NFIB: variants seen among roughly 807,000 people sequenced by gnomAD.
NFIB encodes nuclear factor I B, also known as nuclear factor 1 B-type.
In NFIB, 11 loss-of-function variants were observed where a neutral mutation model predicts 61.5. The observed-to-expected ratio is 0.18, with a 90% confidence interval of 0.11 to 0.30. NFIB has a LOEUF of 0.30. NFIB is among the 10% of genes least tolerant of loss of function. The pLI, the probability that NFIB is intolerant of heterozygous loss-of-function variation, is 1.00. For synonymous variants in NFIB, 260 were observed against 216.5 expected (o/e 1.20, Z -1.76); for missense variants, 471 against 608.9 (o/e 0.77, Z 2.38).
intron 2 of NFIB, among the ~76,000 whole-genome samples, chr9:14,287,955 C>T (rs1005411437): frequency 1.9e-4 from 29 of 152,056 alleles, no homozygotes; most frequent in African/African-American, 7.0e-4. Flanking sequence ...ATTTTTTCTT[C>T]TGCTGAGTTC....
At chr9:14,426,718 T>C in the NFIB span, among the ~76,000 whole-genome samples, 64 of 152,292 alleles carry the variant, frequency 4.2e-4, no homozygotes, top group African/African-American at 1.4e-3. Context: ...CAGGAGGACA[T>C]TCAGAAATAA....
the NFIB span, among the ~76,000 whole-genome samples, chr9:14,481,944 C>T: frequency 6.6e-6 from 1 of 152,028 alleles, no homozygotes; most frequent in Non-Finnish European, 1.5e-5. Flanking sequence ...ACCTTTGGTC[C>T]TCTCCCAGTT....
chr9:14,107,208 A>C (rs982577490), intron 10 of NFIB, among the ~76,000 whole-genome samples: 22 of 152,046 alleles, frequency 1.4e-4, no homozygotes, highest in African/African-American at 5.1e-4. Flanking sequence ...CATGGAGCAA[A>C]TTAAATGGTC....
chr9:14,323,842 G>A (rs767998710), intron 1 of NFIB, among the ~76,000 whole-genome samples: 1 of 151,972 alleles, frequency 6.6e-6, no homozygotes, highest in Non-Finnish European at 1.5e-5. Context: ...TTTTCCCCTT[G>A]TATACACATC....
At chr9:14,343,431 C>T (rs954028317) in intron 1 of NFIB, among the ~76,000 whole-genome samples, 6 of 151,998 alleles carry the variant, frequency 3.9e-5, no homozygotes, top group African/African-American at 9.7e-5. Flanking sequence ...AGAGACGTGG[C>T]CAGGTTTTCC....
At chr9:14,238,151 C>A (rs1378163583) in intron 2 of NFIB, among the ~76,000 whole-genome samples, 1 of 151,898 alleles carries the variant, frequency 6.6e-6, no homozygotes, top group African/African-American at 2.4e-5. Flanking sequence ...AGGGAGCAAG[C>A]CCTACCTACG....
At chr9:14,348,007 C>A (rs564948488) in intron 1 of NFIB, among the ~76,000 whole-genome samples, 48 of 152,274 alleles carry the variant, frequency 3.2e-4, no homozygotes, top group Non-Finnish European at 6.0e-4. Flanking sequence ...TGCTAGCGAT[C>A]CGACAGAGCA....
chr9:14,219,381 TAAAAAAAAAA>T (rs751279935), intron 2 of NFIB, among the ~76,000 whole-genome samples: 3 of 73,504 alleles, frequency 4.1e-5, no homozygotes, highest in Admixed American at 1.8e-4. Flanking sequence ...AGCACTAGGG[TAAAAAAAAAA>T]AAAAAAAAAA....
chr9:14,228,852 A>G (rs1267704124), intron 2 of NFIB, among the ~76,000 whole-genome samples: 1 of 152,172 alleles, frequency 6.6e-6, no homozygotes, highest in Non-Finnish European at 1.5e-5. Context: ...ATTTAATGCC[A>G]TGTTCCAGGT....
the NFIB span, among the ~76,000 whole-genome samples, chr9:14,523,189 G>A: frequency 6.6e-6 from 1 of 151,968 alleles, no homozygotes; most frequent in Non-Finnish European, 1.5e-5. Flanking sequence ...TGACTTTTCG[G>A]GCTCTGGAGA....
chr9:14,448,863 G>A, the NFIB span, among the ~76,000 whole-genome samples: 3 of 152,144 alleles, frequency 2.0e-5, no homozygotes, highest in Non-Finnish European at 4.4e-5. Context: ...CTCCAGCAAT[G>A]TCTGCTACAC....
Position 14,313,627 on chromosome 9 carries a change from G to A in NFIB, c.-116C>T, listed in dbSNP as rs940883987. 1.3e-6 allele frequency: 2 copies of A among 1,584,168 alleles called. No individual in the cohort carries two copies. The highest frequency in any genetic ancestry group is 1.7e-6 in the Non-Finnish European group (2 of 1,165,656). Reference sequence around the variant, plus strand: ...CCCCGCGATGCGATCAATCAGGACGGGGCTCTGCGCTGGATCACCGCAACT... The same window carrying A: ...CCCCGCGATGCGATCAATCAGGACGAGGCTCTGCGCTGGATCACCGCAACT... On this transcript the variant is annotated 5_prime_UTR_variant, in exon 1 of 11. Transcript: ENST00000380953. The surrounding 1 kb of genome is among the most constrained non-coding windows in gnomAD (Gnocchi z 4.5).
chr9:14,151,760 T>G (rs1387986141), intron 4 of NFIB, among the ~76,000 whole-genome samples: 1 of 152,042 alleles, frequency 6.6e-6, no homozygotes, highest in Non-Finnish European at 1.5e-5. Flanking sequence ...TTAAGAATAG[T>G]TTCCATTTCT....
chr9:14,410,478 G>C, the NFIB span, among the ~76,000 whole-genome samples: 1 of 152,190 alleles, frequency 6.6e-6, no homozygotes, highest in Non-Finnish European at 1.5e-5. Flanking sequence ...GAGGTTAGGA[G>C]ATTTGGGAAG....
At chr9:14,380,289 C>G (rs78513464) in intron 1 of NFIB, among the ~76,000 whole-genome samples, 226 of 152,270 alleles carry the variant, frequency 1.5e-3, no homozygotes, top group Non-Finnish European at 2.4e-3. Context: ...ACCACAATCA[C>G]TGAGGTGATG....
At chr9:14,364,791 G>A (rs1051402159) in intron 1 of NFIB, among the ~76,000 whole-genome samples, 1 of 152,154 alleles carries the variant, frequency 6.6e-6, no homozygotes, top group African/African-American at 2.4e-5. Context: ...TTGGGCATTA[G>A]AATAAAAAGA....
At chr9:14,277,193 TTA>T (rs1372481224) in intron 2 of NFIB, among the ~76,000 whole-genome samples, 4 of 152,240 alleles carry the variant, frequency 2.6e-5, no homozygotes, top group Non-Finnish European at 1.5e-5. Context: ...AGAAACAGCC[TTA>T]TCTTTTGCTT....
intron 2 of NFIB, among the ~76,000 whole-genome samples, chr9:14,210,362 T>A (rs1001898451): frequency 1.3e-5 from 2 of 152,120 alleles, no homozygotes; most frequent in Admixed American, 6.6e-5. Context: ...AAAGTTCTTT[T>A]TTACTTTAAG....
At chr9:14,413,427 G>A in the NFIB span, among the ~76,000 whole-genome samples, 5 of 152,106 alleles carry the variant, frequency 3.3e-5, no homozygotes, top group Non-Finnish European at 7.4e-5. Context: ...AGTCAATAGG[G>A]CCTTGAGTGT....
Sources: allele counts gnomAD v4.1 joint callset (sites outside exome capture counted in the v4.1 genomes callset), GRCh38; gene constraint gnomAD v4.1.1; non-coding constraint Gnocchi (gnomAD v3.1); transcripts MANE v1.5; gene names NCBI Gene and HGNC (gene_info 2026-07-23, HGNC 2026-07-21).